CACNG3: variants seen among roughly 807,000 people sequenced by gnomAD.
CACNG3 encodes voltage-dependent calcium channel gamma-3 subunit.
In CACNG3, 3 loss-of-function variants were observed where a neutral mutation model predicts 28.5. The ratio of observed to expected loss-of-function variants is 0.11; its 90% confidence interval spans 0.05 to 0.27. CACNG3 has a LOEUF of 0.27. CACNG3 is among the 10% of genes least tolerant of loss of function. CACNG3 has a pLI of 1.00. For missense variants in CACNG3, 236 were observed against 414.4 expected (o/e 0.57, Z 3.74); for synonymous variants, 174 against 162.2 (o/e 1.07, Z -0.55).
At chr16:24,324,012 G>T (rs904189281) in intron 1 of CACNG3, among the ~76,000 whole-genome samples, 1 of 152,174 alleles carries the variant, frequency 6.6e-6, no homozygotes, top group African/African-American at 2.4e-5. Context: ...AGGAACTCCT[G>T]ATCTGCCTGC....
At chr16:24,354,798 G>A (rs1229403376) in intron 2 of CACNG3, 35 bp from the exon 3 acceptor site, 12 of 1,603,658 alleles carry the variant, frequency 7.5e-6, no homozygotes, top group South Asian at 2.2e-5. Flanking sequence ...GGGCTGGCTG[G>A]GCACAGGCAG....
Position 24,361,216 on chromosome 16 carries a change from G to A in CACNG3, c.437-136G>A. 1 of 677,948 alleles carries A rather than the reference G, an allele frequency of 1.5e-6. No homozygotes were observed. 42.0% of individuals were successfully genotyped at this position (677,948 alleles called of 1,614,324 possible). A position where few individuals can be genotyped will look rare whatever the true frequency, so the allele number is the denominator to read the frequency against. On this transcript the variant is annotated intron_variant, in intron 3 of 3. Coordinates refer to ENST00000005284, the MANE Select transcript of CACNG3 (RefSeq NM_006539.4). This position sits in a 1 kb window ranked among gnomAD's most constrained non-coding sequence, Gnocchi z 6.8. ...ACAGACCATGCAAGAAGAACTAGGT[G>A]GTTGGATTTCCCAGCTATAATCCAT...
chr16:24,293,832 C>T (rs139872565), intron 1 of CACNG3, among the ~76,000 whole-genome samples: 1 of 152,238 alleles, frequency 6.6e-6, no homozygotes, highest in Non-Finnish European at 1.5e-5. Flanking sequence ...CAAGGGACAC[C>T]TAGCAAGGGG....
At chr16:24,295,014 G>T (rs1899012927) in intron 1 of CACNG3, among the ~76,000 whole-genome samples, 1 of 152,182 alleles carries the variant, frequency 6.6e-6, no homozygotes, top group African/African-American at 2.4e-5. Flanking sequence ...GCCCTCACAT[G>T]CATGTTGGGG....
Position 24,262,667 on chromosome 16 carries a change from GT to G in CACNG3, c.211+5704del, listed in dbSNP as rs1195374088. Among the ~76,000 whole-genome samples the G allele has an allele frequency of 9.9e-5, 15 of 152,230 alleles. No individual in the cohort carries two copies. In the East Asian group the frequency reaches 2.7e-3, roughly 27 times the overall value. On this transcript the variant is annotated intron_variant, in intron 1 of 3. Coordinates refer to ENST00000005284, the MANE Select transcript of CACNG3 (RefSeq NM_006539.4). ...GATTGTCTGGTCTTGTGTCCCATTG[GT>G]TGTTACATATTTTAAATCTCATTCC...
chr16:24,349,286 G>A (rs1899910331), intron 2 of CACNG3, among the ~76,000 whole-genome samples: 1 of 152,220 alleles, frequency 6.6e-6, no homozygotes, highest in African/African-American at 2.4e-5. Flanking sequence ...TTACCGGAAA[G>A]GGGTCCAGAT....
intron 3 of CACNG3, 65 bp downstream of exon 3, chr16:24,355,038 G>T: frequency 6.6e-7 from 1 of 1,514,464 alleles, no homozygotes; most frequent in Non-Finnish European, 9.1e-7. Context: ...GCCACATGGA[G>T]GAAGCAATGC....
intron 1 of CACNG3, among the ~76,000 whole-genome samples, chr16:24,318,372 A>G (rs901567992): frequency 5.3e-5 from 8 of 152,078 alleles, no homozygotes; most frequent in African/African-American, 1.7e-4. Context: ...TTGTATTTTT[A>G]GTAGAGATGG....
At chr16:24,295,377 G>C (rs757648507) in intron 1 of CACNG3, among the ~76,000 whole-genome samples, 7 of 152,190 alleles carry the variant, frequency 4.6e-5, no homozygotes, top group Non-Finnish European at 1.0e-4. Flanking sequence ...TCCTGGTGCT[G>C]ATGGCGGCTA....
intron 1 of CACNG3, among the ~76,000 whole-genome samples, chr16:24,313,037 G>A (rs1318472788): frequency 6.8e-6 from 1 of 147,770 alleles, no homozygotes; most frequent in African/African-American, 2.5e-5. Flanking sequence ...AAGGAAAGAA[G>A]AGAAAGAGAG....
intron 1 of CACNG3, among the ~76,000 whole-genome samples, chr16:24,338,784 C>T (rs189084147): frequency 4.1e-4 from 63 of 152,298 alleles, no homozygotes; most frequent in African/African-American, 1.4e-3. Flanking sequence ...TCTTCACAAC[C>T]CAGTTCTCAC....
chr16:24,278,950 T>G (rs1426055485), intron 1 of CACNG3, among the ~76,000 whole-genome samples: 1 of 152,050 alleles, frequency 6.6e-6, no homozygotes, highest in Non-Finnish European at 1.5e-5. Context: ...GTTAGAGAGA[T>G]GAAGGGATGG....
intron 1 of CACNG3, among the ~76,000 whole-genome samples, chr16:24,309,949 A>C (rs191637008): frequency 6.6e-6 from 1 of 152,356 alleles, no homozygotes; most frequent in East Asian, 1.9e-4. Context: ...AATTTTAAAT[A>C]GGACAAAAAG....
intron 2 of CACNG3, among the ~76,000 whole-genome samples, chr16:24,349,152 C>T (rs576998446): frequency 1.3e-5 from 2 of 152,352 alleles, no homozygotes; most frequent in South Asian, 4.1e-4. Flanking sequence ...TTCACTCTGC[C>T]TGCCGGTCCC....
At chr16:24,257,369 GAGAGAGAGAGAGAGAGAGAGAGA>G (rs1184827713) in intron 1 of CACNG3, among the ~76,000 whole-genome samples, 64 of 19,646 alleles carry the variant, frequency 3.3e-3, no homozygotes, top group African/African-American at 0.01. Flanking sequence ...AGTGAGGGGG[GAGAGAGAGAGAGAGAGAGAGAGA>G]GAGAGAGAGA....
chr16:24,322,023 T>C (rs558419463), intron 1 of CACNG3, among the ~76,000 whole-genome samples: 1 of 152,176 alleles, frequency 6.6e-6, no homozygotes, highest in Non-Finnish European at 1.5e-5. Flanking sequence ...TATACCCGTG[T>C]ACCAGATGAG....
intron 1 of CACNG3, among the ~76,000 whole-genome samples, chr16:24,312,089 T>C (rs2141364930): frequency 6.6e-6 from 1 of 152,280 alleles, no homozygotes; most frequent in East Asian, 1.9e-4. Flanking sequence ...AGCCAGACAT[T>C]TGTGGCTGAG....
chr16:24,289,000 G>T (rs576432072), intron 1 of CACNG3, among the ~76,000 whole-genome samples: 1 of 152,282 alleles, frequency 6.6e-6, no homozygotes, highest in East Asian at 1.9e-4. Context: ...TACCCAACTG[G>T]AAGCTTTGCA....
intron 1 of CACNG3, among the ~76,000 whole-genome samples, chr16:24,325,484 G>A (rs1363063611): frequency 2.0e-5 from 3 of 152,228 alleles, no homozygotes. Context: ...AGTCCTAGGA[G>A]CCAGACCCCA....
Sources: allele counts gnomAD v4.1 joint callset (sites outside exome capture counted in the v4.1 genomes callset), GRCh38; gene constraint gnomAD v4.1.1; non-coding constraint Gnocchi (gnomAD v3.1); transcripts MANE v1.5; gene names NCBI Gene and HGNC (gene_info 2026-07-23, HGNC 2026-07-21).